Variants in GGTA1 observed in about 807,000 individuals in gnomAD.
GGTA1 encodes the protein glycoprotein alpha-galactosyltransferase 1 (inactive), also known as inactive N-acetyllactosaminide alpha-1,3-galactosyltransferase.
GGTA1 carries 5 observed loss-of-function variants against 2.6 expected under a neutral mutation model. The observed-to-expected ratio is 1.92, with a 90% CI of 1.00 to 4.04. GGTA1 has a LOEUF of 4.04. GGTA1 is among the 30% of genes most tolerant of loss of function. GGTA1 has a pLI of 0.00. For missense variants in GGTA1, 50 were observed against 16.7 expected (o/e 2.99, Z -3.47); for synonymous variants, 17 against 5.0 (o/e 3.38, Z -3.19).
intron 5 of GGTA1, among the ~76,000 whole-genome samples, chr9:121,456,271 G>A (rs1306853333): frequency 6.6e-6 from 1 of 152,212 alleles, no homozygotes. Flanking sequence ...TGTGATGCCA[G>A]TGTGAGAAGT....
intron 1 of GGTA1, among the ~76,000 whole-genome samples, chr9:121,477,748 T>A (rs1000298554): frequency 1.7e-4 from 26 of 152,020 alleles, no homozygotes; most frequent in Middle Eastern, 6.8e-3. Context: ...GCTAATTTTT[T>A]TTTTAATTTT....
intron 1 of GGTA1, among the ~76,000 whole-genome samples, chr9:121,499,337 C>T (rs1829057302): frequency 6.6e-6 from 1 of 152,124 alleles, no homozygotes; most frequent in Non-Finnish European, 1.5e-5. Context: ...TGCGTCTCCC[C>T]TCTCTTCCCC....
chr9:121,468,029 A>C, intron 1 of GGTA1, 98 bp from the exon 2 acceptor site: 4 of 404,588 alleles, frequency 9.9e-6, no homozygotes, highest in Non-Finnish European at 1.9e-5. Flanking sequence ...GTTCTTTTTT[A>C]AAATTACTAC....
chr9:121,464,244 G>A (rs550071716), intron 2 of GGTA1, among the ~76,000 whole-genome samples: 2 of 151,634 alleles, frequency 1.3e-5, no homozygotes, highest in Non-Finnish European at 2.9e-5. Flanking sequence ...GGTACATAGT[G>A]GATACTCAAT....
intron 2 of GGTA1, among the ~76,000 whole-genome samples, chr9:121,464,624 C>G (rs2118683207): frequency 3.4e-5 from 1 of 29,756 alleles, no homozygotes; most frequent in Non-Finnish European, 1.3e-4. Context: ...AAAACAAAAA[C>G]AAAAACAAAA....
At chr9:121,457,436 C>T (rs2064920977) in intron 5 of GGTA1, among the ~76,000 whole-genome samples, 2 of 152,178 alleles carry the variant, frequency 1.3e-5, no homozygotes, top group Admixed American at 6.5e-5. Context: ...CGTGGTGGCT[C>T]ACGCCCGTAA....
downstream of GGTA1, among the ~76,000 whole-genome samples, chr9:121,452,759 T>C (rs1048622824): frequency 6.6e-6 from 1 of 152,174 alleles, no homozygotes; most frequent in African/African-American, 2.4e-5. Flanking sequence ...CCTCAGGTGA[T>C]CCGCCAGCTT....
chr9:121,471,806 G>T (rs969258003), intron 1 of GGTA1, among the ~76,000 whole-genome samples: 1 of 152,222 alleles, frequency 6.6e-6, no homozygotes, highest in Non-Finnish European at 1.5e-5. Flanking sequence ...GCAGATGGCT[G>T]CAGGCAACTC....
At chr9:121,468,063 T>G (rs1358224022) in intron 1 of GGTA1, 132 bp from the exon 2 acceptor site, 2 of 378,836 alleles carry the variant, frequency 5.3e-6, no homozygotes, top group Non-Finnish European at 1.0e-5. Context: ...CTGGGATACA[T>G]GTGCAGAACG....
At chr9:121,485,247 C>A (rs140453072) in intron 1 of GGTA1, among the ~76,000 whole-genome samples, 14 of 152,098 alleles carry the variant, frequency 9.2e-5, no homozygotes, top group Non-Finnish European at 1.9e-4. Context: ...TTCTCTGGCT[C>A]CCTTGCCCTC....
chr9:121,485,696 C>T (rs944755308), intron 1 of GGTA1, among the ~76,000 whole-genome samples: 2 of 152,182 alleles, frequency 1.3e-5, no homozygotes, highest in Non-Finnish European at 2.9e-5. Context: ...TTAGCACACA[C>T]AAAGACCTTT....
intron 4 of GGTA1, among the ~76,000 whole-genome samples, chr9:121,460,721 T>C (rs997223518): frequency 6.6e-6 from 1 of 152,062 alleles, no homozygotes; most frequent in Non-Finnish European, 1.5e-5. Context: ...GGCGGGCGCC[T>C]GTAATCCCAG....
intron 1 of GGTA1, among the ~76,000 whole-genome samples, chr9:121,486,424 G>T (rs1828755069): frequency 1.3e-5 from 2 of 152,216 alleles, no homozygotes; most frequent in Non-Finnish European, 2.9e-5. Flanking sequence ...TGGACCCCAG[G>T]TGGTGTGCAG....
intron 2 of GGTA1, among the ~76,000 whole-genome samples, chr9:121,467,103 T>C (rs985956758): frequency 1.3e-5 from 2 of 152,318 alleles, no homozygotes; most frequent in East Asian, 1.9e-4. Flanking sequence ...GTAGATTTTT[T>C]GAACCTTAAG....
At chr9:121,494,619 G>A (rs1828948529) in intron 1 of GGTA1, 1 of 152,304 alleles carries the variant, frequency 6.6e-6, no homozygotes, top group African/African-American at 2.4e-5. Context: ...GTACTATGCA[G>A]ATAGATCAGG....
At chr9:121,485,435 G>A (rs115736219) in intron 1 of GGTA1, among the ~76,000 whole-genome samples, 35 of 152,310 alleles carry the variant, frequency 2.3e-4, no homozygotes, top group African/African-American at 7.7e-4. Context: ...GATTTTGCAA[G>A]GTTGTTGTGA....
At chr9:121,489,302 G>C (rs898136712) in intron 1 of GGTA1, among the ~76,000 whole-genome samples, 1 of 152,138 alleles carries the variant, frequency 6.6e-6, no homozygotes, top group East Asian at 1.9e-4. Flanking sequence ...GAGCTCAAGC[G>C]ATCCTCCCAC....
intron 1 of GGTA1, among the ~76,000 whole-genome samples, chr9:121,498,289 T>G (rs1829032468): frequency 6.6e-6 from 1 of 152,212 alleles, no homozygotes; most frequent in Admixed American, 6.5e-5. Context: ...CTCTGCCTTA[T>G]TCAGTCATTG....
chr9:121,457,765 C>G (rs950562158), intron 5 of GGTA1, among the ~76,000 whole-genome samples: 4 of 150,118 alleles, frequency 2.7e-5, no homozygotes, highest in African/African-American at 9.8e-5. Flanking sequence ...CTCCCATAAA[C>G]TCTAATCCCT....
Sources: gnomAD v4.1 joint callset for allele counts (sites outside exome capture counted in the v4.1 genomes callset) on GRCh38, gnomAD v4.1.1 for gene constraint, MANE v1.5 for transcripts, NCBI Gene and HGNC (gene_info 2026-07-23, HGNC 2026-07-21) for gene names.